The following ATP8A1 variants were observed in gnomAD, a reference collection of about 807,000 sequenced individuals.
The protein encoded by ATP8A1 is phospholipid-transporting ATPase IA.
A neutral mutation model predicts 177.7 loss-of-function variants in ATP8A1; 90 were observed. The observed-to-expected ratio is 0.51, with a 90% CI of 0.43 to 0.60. The LOEUF is 0.60. Ranked by LOEUF, ATP8A1 falls within the 20% of genes least tolerant of loss-of-function variation. The pLI, the probability that ATP8A1 is intolerant of heterozygous loss-of-function variation, is 0.00. For missense variants in ATP8A1, 1,072 were observed against 1,392.8 expected (o/e 0.77, Z 3.67); for synonymous variants, 493 against 485.9 (o/e 1.01, Z -0.19).
chr4:42,533,843 C>T (rs935140171), intron 20 of ATP8A1, among the ~76,000 whole-genome samples: 2 of 152,166 alleles, frequency 1.3e-5, no homozygotes, highest in Non-Finnish European at 2.9e-5. Context: ...GATCATATCA[C>T]AGGGCTTTGT....
chr4:42,426,849 A>T (rs1417340420), intron 33 of ATP8A1, among the ~76,000 whole-genome samples: 1 of 152,258 alleles, frequency 6.6e-6, no homozygotes, highest in Non-Finnish European at 1.5e-5. Context: ...AGGCCAAAGT[A>T]AGAGATCCCT....
intron 22 of ATP8A1, among the ~76,000 whole-genome samples, chr4:42,521,211 T>C (rs918862145): frequency 6.6e-6 from 1 of 152,206 alleles, no homozygotes; most frequent in Non-Finnish European, 1.5e-5. Context: ...ATTGAAGAGT[T>C]ATCTAATGGC....
intron 15 of ATP8A1, among the ~76,000 whole-genome samples, chr4:42,559,067 T>A (rs2153214410): frequency 6.6e-6 from 1 of 152,210 alleles, no homozygotes; most frequent in East Asian, 1.9e-4. Flanking sequence ...TGGTGTGTAA[T>A]CCCAGCTACT....
chr4:42,542,750 T>C (rs143930106), intron 20 of ATP8A1, among the ~76,000 whole-genome samples: 1,559 of 152,318 alleles, frequency 0.01, 24 homozygotes, highest in African/African-American at 0.036. Context: ...TCCATGTCCC[T>C]GCAAAGGACA....
At chr4:42,609,428 AGTCAT>A (rs1276199708) in intron 5 of ATP8A1, among the ~76,000 whole-genome samples, 5 of 152,192 alleles carry the variant, frequency 3.3e-5, no homozygotes, top group Non-Finnish European at 5.9e-5. Flanking sequence ...TCCTGCTCAC[AGTCAT>A]GAGTCCCTCA....
intron 24 of ATP8A1, among the ~76,000 whole-genome samples, chr4:42,491,762 A>G (rs1283530072): frequency 6.6e-6 from 1 of 152,192 alleles, no homozygotes. Context: ...TGGCCCCTAA[A>G]GTAATGCTGC....
Position 42,581,646 on chromosome 4 carries a change from G to T in ATP8A1, c.809C>A (p.Thr270Asn). The T allele has an allele frequency of 6.2e-7, 1 of 1,613,986 alleles. No individual in the cohort carries two copies. Among genetic ancestry groups the T allele is most frequent in the South Asian group, 1.1e-5 (1 of 91,082 alleles). The change falls in exon 10 of 37, where the codon ACT becomes AAT. Residue 270 changes from threonine (T) to asparagine (N), a missense_variant. Coordinates refer to ENST00000381668, the MANE Select transcript of ATP8A1 (RefSeq NM_006095.2). ...TQWVHGIVVY[T>N]GHDTKLMQNS... is the part of the protein sequence containing the mutation. ...CTGCATCAGCTTGGTGTCATGTCCA[G>T]TGTAGACAACTATTCCATGAACCCA...
intron 5 of ATP8A1, among the ~76,000 whole-genome samples, chr4:42,609,417 C>T (rs11940538): frequency 0.22 from 34,218 of 152,164 alleles, 4,340 homozygotes; most frequent in Non-Finnish European, 0.29. Context: ...CTTTCCCTTT[C>T]TCCTGCTCAC....
At chr4:42,602,584 T>G (rs1312002331) in intron 5 of ATP8A1, among the ~76,000 whole-genome samples, 6 of 151,950 alleles carry the variant, frequency 3.9e-5, no homozygotes, top group African/African-American at 1.5e-4. Context: ...GCCAACATGG[T>G]GAAACCCTGT....
At chr4:42,654,396 C>G (rs1039498868) in intron 1 of ATP8A1, among the ~76,000 whole-genome samples, 2 of 152,080 alleles carry the variant, frequency 1.3e-5, no homozygotes, top group Non-Finnish European at 2.9e-5. Flanking sequence ...GAACAGAAAC[C>G]CATTCAAGTC....
At chr4:42,629,457 T>G (rs1411692341) in intron 1 of ATP8A1, among the ~76,000 whole-genome samples, 1 of 151,978 alleles carries the variant, frequency 6.6e-6, no homozygotes, top group Non-Finnish European at 1.5e-5. Context: ...TGACCAGGTG[T>G]GATACTGAGG....
At chr4:42,604,273 T>A (rs1735578517) in intron 5 of ATP8A1, among the ~76,000 whole-genome samples, 1 of 152,242 alleles carries the variant, frequency 6.6e-6, no homozygotes, top group Non-Finnish European at 1.5e-5. Flanking sequence ...ACTTTTCCTT[T>A]AGAACACTTA....
chr4:42,415,215 C>T (rs2153165714), intron 35 of ATP8A1: 1 of 152,534 alleles, frequency 6.6e-6, no homozygotes, highest in African/African-American at 2.4e-5. Context: ...ACTAACATTA[C>T]ACAAAGAAGA....
At chr4:42,498,845 A>G (rs1205416580) in intron 24 of ATP8A1, among the ~76,000 whole-genome samples, 1 of 152,052 alleles carries the variant, frequency 6.6e-6, no homozygotes, top group Non-Finnish European at 1.5e-5. Context: ...AGAAAAACCT[A>G]TTTGCTTCCC....
intron 7 of ATP8A1, among the ~76,000 whole-genome samples, chr4:42,590,347 G>T (rs572620556): frequency 6.6e-6 from 1 of 152,212 alleles, no homozygotes; most frequent in East Asian, 1.9e-4. Context: ...AGTCACAATC[G>T]CTGGAAGGAT....
At chr4:42,548,949 G>T (rs1189642050) in intron 19 of ATP8A1, 64 bp downstream of exon 19, 2 of 1,302,044 alleles carry the variant, frequency 1.5e-6, no homozygotes, top group Admixed American at 2.2e-5. Context: ...TTATTCAAAA[G>T]GGAAAAAATA....
Position 42,438,158 on chromosome 4 carries a change from C to T in ATP8A1, c.3123+5407G>A, listed in dbSNP as rs73153087. ...GAAAAGGAACAGACAGGAGTGTGCA[C>T]GGTGCATCAGGGGACAGAATCAGGC... On this transcript the variant is annotated intron_variant, in intron 33 of 36. Coordinates refer to ENST00000381668, the MANE Select transcript of ATP8A1 (RefSeq NM_006095.2). 8.6e-3 allele frequency among the ~76,000 whole-genome samples: 1,305 copies of T among 152,210 alleles called. 17 individuals are homozygous for T. The highest frequency in any genetic ancestry group is 0.029 in the African/African-American group (1,206 of 41,542).
intron 6 of ATP8A1, among the ~76,000 whole-genome samples, chr4:42,594,607 CTTAA>C (rs1171155363): frequency 1.3e-5 from 2 of 152,042 alleles, no homozygotes; most frequent in South Asian, 2.1e-4. Flanking sequence ...ATTCTATCCA[CTTAA>C]TTGACACCTT....
At chr4:42,484,355 A>G (rs1209184595) in intron 25 of ATP8A1, among the ~76,000 whole-genome samples, 2 of 152,184 alleles carry the variant, frequency 1.3e-5, no homozygotes, top group Non-Finnish European at 1.5e-5. Context: ...AGAAAAAGAA[A>G]TTATATGACT....
Sources: allele counts gnomAD v4.1 joint callset (sites outside exome capture counted in the v4.1 genomes callset), GRCh38; gene constraint gnomAD v4.1.1; transcripts MANE v1.5; gene names NCBI Gene and HGNC (gene_info 2026-07-23, HGNC 2026-07-21).